SYNE2: variants seen among roughly 807,000 people sequenced by gnomAD.
SYNE2 encodes spectrin repeat containing nuclear envelope protein 2.
Under a neutral mutation model 856.3 loss-of-function variants are expected in SYNE2, and 431 were observed. The ratio of observed to expected loss-of-function variants is 0.50; its 90% CI spans 0.47 to 0.55. The LOEUF is 0.55. Ranked by LOEUF, SYNE2 falls within the 20% of genes least tolerant of loss-of-function variation. The pLI is 0.00. For missense variants in SYNE2, 8,129 were observed against 8,023.2 expected (o/e 1.01, Z -0.50); for synonymous variants, 2,923 against 2,872.3 (o/e 1.02, Z -0.56).
Position 64,212,030 on chromosome 14 carries a change from G to C in SYNE2, c.18793G>C (p.Asp6265His). ...CATTCTGGTGTGGCTCACAGAGATG[G>C]ACCTGCAGCTGACCAACGTGGAGCA... is the stretch of plus-strand genomic sequence containing the variant. Reference protein sequence around the residue: ...ESILVWLTEMDLQLTNVEHFS... With the variant: ...ESILVWLTEMHLQLTNVEHFS... Residue 6265 changes from aspartate to histidine, a missense_variant, in exon 104 of 116, where the codon GAC becomes CAC. Physicochemically the swap from Asp to His is moderately conservative, Grantham distance 81 (BLOSUM62 -1). Coordinates refer to ENST00000555002, the MANE Select transcript of SYNE2 (RefSeq NM_182914.3). 6.2e-7 allele frequency: 1 copy of C among 1,614,154 alleles called. No homozygotes were observed. Among genetic ancestry groups the C allele is most frequent in the Non-Finnish European group, 8.5e-7 (1 of 1,180,030 alleles).
chr14:64,188,898 G>A (rs1439791022), intron 98 of SYNE2, 190 bp downstream of exon 98: 3 of 719,224 alleles, frequency 4.2e-6, no homozygotes, highest in African/African-American at 1.7e-5. Context: ...AGAGATGGGA[G>A]TGTGAGACCA....
chr14:64,189,137 C>T, intron 98 of SYNE2: 1 of 604,666 alleles, frequency 1.7e-6, no homozygotes. Context: ...AGTTCAAGAC[C>T]AGCCTGGCTG....
chr14:63,941,619 C>A, intron 3 of SYNE2, 76 bp from the exon 4 acceptor site: 1 of 1,258,898 alleles, frequency 7.9e-7, no homozygotes, highest in Non-Finnish European at 1.2e-6. Flanking sequence ...TTTCACAAAG[C>A]ACATTTATGA....
Position 63,950,018 on chromosome 14 carries a change from G to T in SYNE2, c.590+12G>T, listed in dbSNP as rs369874545. 68 of 1,613,712 alleles carry T rather than the reference G, an allele frequency of 4.2e-5. No homozygotes were observed. In the African/African-American group the frequency reaches 8.7e-4, roughly 21 times the overall value. On this transcript the variant is annotated intron_variant, in intron 7 of 115. Coordinates refer to ENST00000555002, the MANE Select transcript of SYNE2 (RefSeq NM_182914.3). ...GAACAATGCGCCACGTAAGTAGTTTGCTATGACCCTAAGAGACACACAGGG... is the reference window on the plus strand; with the variant it reads ...GAACAATGCGCCACGTAAGTAGTTTTCTATGACCCTAAGAGACACACAGGG...
upstream of SYNE2, chr14:63,761,894 C>T: frequency 4.6e-6 from 1 of 217,110 alleles, no homozygotes; most frequent in Non-Finnish European, 9.7e-6. Context: ...GCGGCGGCGG[C>T]AGCTGCAGGA....
At chr14:63,769,668 CAA>C (rs373323502) in intron 1 of SYNE2, among the ~76,000 whole-genome samples, 7 of 86,374 alleles carry the variant, frequency 8.1e-5, no homozygotes, top group Admixed American at 4.7e-4. Context: ...GACTCCATCT[CAA>C]AAAAAAAAAA....
At chr14:63,906,555 AG>A (rs1189577543) in intron 1 of SYNE2, among the ~76,000 whole-genome samples, 2 of 152,198 alleles carry the variant, frequency 1.3e-5, no homozygotes, top group Non-Finnish European at 2.9e-5. Context: ...TTGTGTTTCC[AG>A]GAATTTATCC....
Position 63,878,611 on chromosome 14 carries a change from C to T in SYNE2, c.-52+25468C>T, listed in dbSNP as rs567588845. ...AGGCTGGAGTGCAGTGGTGCGATCT[C>T]AACTCACTGCAGCTTTCACCTCCCA... On this transcript the variant is annotated intron_variant, in intron 1 of 115. Transcript: ENST00000555002. Among the ~76,000 whole-genome samples the T allele has an allele frequency of 2.0e-5, 3 of 152,244 alleles. No homozygotes were observed. In the South Asian group the frequency reaches 6.2e-4, roughly 32 times the overall value.
chr14:64,151,312 G>A (rs2098239625), intron 84 of SYNE2, among the ~76,000 whole-genome samples: 1 of 151,380 alleles, frequency 6.6e-6, no homozygotes, highest in South Asian at 2.1e-4. Flanking sequence ...TAGCACAAGG[G>A]AGCTTGTCCC....
At chr14:63,876,205 G>A (rs767306730) in intron 1 of SYNE2, among the ~76,000 whole-genome samples, 2 of 151,296 alleles carry the variant, frequency 1.3e-5, no homozygotes, top group Non-Finnish European at 2.9e-5. Flanking sequence ...TTGAGCCAAG[G>A]GGTTTGAGAC....
intron 1 of SYNE2, among the ~76,000 whole-genome samples, chr14:63,764,499 C>G (rs1886599623): frequency 6.6e-6 from 1 of 151,184 alleles, no homozygotes; most frequent in Middle Eastern, 3.2e-3. Context: ...GTGGGACCAC[C>G]CCCTGCCCCC....
At chr14:63,821,843 C>T (rs943035384) in intron 1 of SYNE2, among the ~76,000 whole-genome samples, 2 of 151,888 alleles carry the variant, frequency 1.3e-5, no homozygotes, top group African/African-American at 2.4e-5. Flanking sequence ...TCAAATTGTT[C>T]AAAACATTAG....
At chr14:64,223,811 T>C (rs2098705626) in intron 113 of SYNE2, among the ~76,000 whole-genome samples, 1 of 152,078 alleles carries the variant, frequency 6.6e-6, no homozygotes, top group African/African-American at 2.4e-5. Context: ...TCACCAGACT[T>C]AGGGCAGGTC....
At chr14:63,822,580 CTG>C (rs1485857828) in intron 1 of SYNE2, among the ~76,000 whole-genome samples, 2 of 152,156 alleles carry the variant, frequency 1.3e-5, no homozygotes, top group Non-Finnish European at 2.9e-5. Context: ...AAAAGGAAAA[CTG>C]TGGAATGAGA....
At chr14:64,107,791 GAA>G (rs1445025827) in intron 65 of SYNE2, among the ~76,000 whole-genome samples, 184 bp downstream of exon 65, 2 of 152,190 alleles carry the variant, frequency 1.3e-5, no homozygotes, top group Admixed American at 1.3e-4. Flanking sequence ...TATTTACAAA[GAA>G]AATAGGCATG....
intron 1 of SYNE2, among the ~76,000 whole-genome samples, chr14:63,861,291 C>A (rs887015496): frequency 1.3e-5 from 2 of 151,638 alleles, no homozygotes; most frequent in Non-Finnish European, 2.9e-5. Flanking sequence ...ATTACAGGTG[C>A]GCACCACCAC....
chr14:64,088,509 G>A (rs1050485502), intron 58 of SYNE2, among the ~76,000 whole-genome samples: 1 of 152,058 alleles, frequency 6.6e-6, no homozygotes, highest in Non-Finnish European at 1.5e-5. Context: ...GGTGGCTCAC[G>A]CCTGTAATCC....
Position 64,142,025 on chromosome 14 carries a change from T to A in SYNE2, c.15243T>A (p.Asp5081Glu). 1 of 1,614,180 alleles carries A rather than the reference T, an allele frequency of 6.2e-7. No homozygotes were observed. The highest frequency in any genetic ancestry group is 1.6e-4 in the Middle Eastern group (1 of 6,062). Residue 5081 changes from aspartate to glutamate, a missense_variant, in exon 82 of 116, where the codon GAT becomes GAA. Transcript: ENST00000555002. ...WMNNVEHQTSDEDSVHSPSSA... is the reference protein window; with the variant it reads ...WMNNVEHQTSEEDSVHSPSSA... ...ACAATGTGGAGCATCAAACTTCAGA[T>A]GAAGACTCCGTGCATTCACCAAGTT...
chr14:63,918,035 A>G (rs1291513729), intron 2 of SYNE2, among the ~76,000 whole-genome samples: 1 of 152,190 alleles, frequency 6.6e-6, no homozygotes, highest in Non-Finnish European at 1.5e-5. Flanking sequence ...CAAAGATCTC[A>G]TTCATTCCTT....
Sources: allele counts gnomAD v4.1 joint callset (sites outside exome capture counted in the v4.1 genomes callset), GRCh38; gene constraint gnomAD v4.1.1; transcripts MANE v1.5; gene names NCBI Gene and HGNC (gene_info 2026-07-23, HGNC 2026-07-21).